ERCC8: variants seen among roughly 807,000 people sequenced by gnomAD.
ERCC8 encodes the protein DNA excision repair protein ERCC-8.
In ERCC8, 52 loss-of-function variants were observed where a neutral mutation model predicts 54.9. The ratio of observed to expected loss-of-function variants is 0.95; its 90% confidence interval spans 0.76 to 1.19. The LOEUF is 1.19. ERCC8 is among the 50% of genes most tolerant of loss of function. ERCC8 has a pLI of 0.00. For synonymous variants in ERCC8, 146 were observed against 157.2 expected (o/e 0.93, Z 0.53); for missense variants, 514 against 466.1 (o/e 1.10, Z -0.95).
At chr5:60,944,580 A>G (rs1227890195) in intron 1 of ERCC8, among the ~76,000 whole-genome samples, 1 of 152,186 alleles carries the variant, frequency 6.6e-6, no homozygotes, top group Non-Finnish European at 1.5e-5. Context: ...AAATATGCAG[A>G]CTGAATGAAT....
At chr5:60,892,920 C>G (rs920619952) in intron 9 of ERCC8, 10 of 742,378 alleles carry the variant, frequency 1.3e-5, no homozygotes, top group Non-Finnish European at 2.5e-5. Context: ...GATGTGGGTG[C>G]GCATTTCACC....
rs574585335 is a variant in ERCC8, at chr5:60,874,629, C to T, written c.1177G>A (p.Asp393Asn). The change falls in exon 12 of 12, where the codon GAT becomes AAT. Residue 393 changes from aspartate to asparagine, a missense_variant. Asp to Asn is a conservative substitution (Grantham distance 23, BLOSUM62 1). Coordinates refer to ENST00000676185, the MANE Select transcript of ERCC8 (RefSeq NM_000082.4). ...AAAGATGATATTCATCCTTCTTCAT[C>T]ACTGCTGCTCCAGGCATCTTCAAAG... ...PAFEDAWSSSDEEG is the reference protein window; with the variant it reads ...PAFEDAWSSSNEEG 3.1e-6 allele frequency: 5 copies of T among 1,613,196 alleles called. No individual in the cohort carries two copies. The East Asian group carries it at 1.1e-4, about 36-fold the overall frequency.
Position 60,928,872 on chromosome 5 carries a change from T to A in ERCC8, c.165A>T (p.Glu55Asp). The change falls in exon 2 of 12, where the codon GAA (glutamate) becomes GAT (aspartate). Residue 55 changes from glutamate to aspartate, a missense_variant. Glu to Asp is a conservative substitution (Grantham distance 45). Transcript: ENST00000676185. ...AAGTATAATAAACTTACTATCTCCCTTCAACAGGTTCAATGTCAAGGGTGT... is the reference window on the plus strand; with the variant it reads ...AAGTATAATAAACTTACTATCTCCCATCAACAGGTTCAATGTCAAGGGTGT... ...GINTLDIEPV[E>D]GRYMLSGGSD... 6 of 1,582,452 alleles carry A rather than the reference T, an allele frequency of 3.8e-6. No individual in the cohort carries two copies. The highest frequency in any genetic ancestry group is 5.2e-6 in the Non-Finnish European group (6 of 1,152,636).
At chr5:60,898,167 C>G (rs1052890274) in intron 9 of ERCC8, 109 bp downstream of exon 9, 1 of 1,257,632 alleles carries the variant, frequency 8.0e-7, no homozygotes, top group African/African-American at 1.5e-5. Flanking sequence ...TTTTTAAAAA[C>G]AGCTGTGATT....
chr5:60,910,551 T>C (rs1375793474), intron 4 of ERCC8, among the ~76,000 whole-genome samples: 1 of 152,198 alleles, frequency 6.6e-6, no homozygotes, highest in Non-Finnish European at 1.5e-5. Flanking sequence ...TTAATTTCTC[T>C]CAATAATGTT....
At position 60,874,032 on chromosome 5, in the gene ERCC8, A is replaced by G. The variant is rs4647158; in HGVS notation, c.*583T>C. ...AAACATGGGATTTTCACAAAGTTAA[A>G]AGCCTCCTGTGATGCACATTTTGGA... On this transcript the variant is annotated 3_prime_UTR_variant, in exon 12 of 12. Coordinates refer to ENST00000676185, the MANE Select transcript of ERCC8 (RefSeq NM_000082.4). 5.6e-3 allele frequency: 859 copies of G among 152,348 alleles called. 9 individuals are homozygous for G. Among genetic ancestry groups the G allele is most frequent in the Middle Eastern group, 0.017 (5 of 294 alleles). 9.4% of individuals were successfully genotyped at this position (152,348 alleles called of 1,614,324 possible).
Position 60,903,532 on chromosome 5 carries a change from C to A in ERCC8, c.550+116G>T, listed in dbSNP as rs781538504. 4 of 1,531,492 alleles carry A rather than the reference C, an allele frequency of 2.6e-6. No homozygotes were observed. The African/African-American group carries it at 5.5e-5, about 21-fold the overall frequency. The allele number at this position is 1,531,492 out of a possible 1,614,324, so 94.9% of individuals were successfully genotyped here. A position where few individuals can be genotyped will look rare whatever the true frequency, so the allele number is the denominator to read the frequency against. On this transcript the variant is annotated intron_variant, in intron 6 of 11. Transcript: ENST00000676185. Reference sequence around the variant, plus strand: ...TCTTTATTTCCCTGCTGAGTCTCAACAACCAGCACAAAGTACATTAGTCAT... The same window carrying A: ...TCTTTATTTCCCTGCTGAGTCTCAAAAACCAGCACAAAGTACATTAGTCAT...
intron 1 of ERCC8, among the ~76,000 whole-genome samples, chr5:60,938,052 T>C (rs7712816): frequency 0.047 from 608 of 12,904 alleles, no homozygotes; most frequent in South Asian, 0.095. Flanking sequence ...TACATACATA[T>C]ATATATATAT....
chr5:60,885,006 C>T (rs1748353557), intron 11 of ERCC8, among the ~76,000 whole-genome samples: 1 of 149,088 alleles, frequency 6.7e-6, no homozygotes, highest in African/African-American at 2.6e-5. Context: ...CCATCAGTCA[C>T]ATATTATCTT....
At position 60,902,408 on chromosome 5, in the gene ERCC8, T is replaced by C. The variant is rs754949729; in HGVS notation, c.617+34A>G. 41 of 1,490,190 alleles carry C rather than the reference T, an allele frequency of 2.8e-5. No homozygotes were observed. The Admixed American group carries it at 4.2e-4, about 15-fold the overall frequency. The allele number at this position is 1,490,190 out of a possible 1,614,324, so 92.3% of individuals were successfully genotyped here. On this transcript the variant is annotated intron_variant, in intron 7 of 11. Transcript: ENST00000676185. ...ACTTTTCAAAATGCTTATTATTAAT[T>C]ACTAACTTCAAAAGCAAATAAGTTA... is the stretch of plus-strand genomic sequence containing the variant.
intron 11 of ERCC8, among the ~76,000 whole-genome samples, chr5:60,882,259 C>T (rs192184415): frequency 1.1e-4 from 16 of 152,280 alleles, no homozygotes; most frequent in Non-Finnish European, 5.9e-5. Context: ...GAAAAAGTTA[C>T]GTGTTCCTAG....
In ERCC8 at chr5:60,868,965, A is replaced by G. The variant is rs1347377130; in HGVS notation, c.*5650T>C. Among the ~76,000 whole-genome samples the G allele has an allele frequency of 6.6e-6, 1 of 152,160 alleles. No homozygotes were observed. The highest frequency in any genetic ancestry group is 1.5e-5 in the Non-Finnish European group (1 of 68,032). ...TATATTTTTCGACAGGCAATATTCT[A>G]ATTGTGCTAGGCTTGCCATTCCATT... On this transcript the variant is annotated 3_prime_UTR_variant, in exon 12 of 12. Coordinates refer to ENST00000676185, the MANE Select transcript of ERCC8 (RefSeq NM_000082.4).
chr5:60,889,012 C>T (rs1444974940), intron 10 of ERCC8, among the ~76,000 whole-genome samples: 1 of 152,150 alleles, frequency 6.6e-6, no homozygotes, highest in African/African-American at 2.4e-5. Flanking sequence ...GTCTCTTTGG[C>T]TTTTCTGACT....
intron 4 of ERCC8, 111 bp downstream of exon 4, chr5:60,918,154 C>G (rs888692747): frequency 2.3e-6 from 2 of 867,060 alleles, no homozygotes; most frequent in African/African-American, 3.3e-5. Context: ...CACTGTACTG[C>G]TTTCACATCT....
Position 60,887,521 on chromosome 5 carries a change from C to T in ERCC8, c.1042-1G>A, listed in dbSNP as rs897535441. Reference sequence around the variant, plus strand: ...AGTCTCTGCTACCACTATAAAGTTCCTATAACATAGAAGGCAAAGATGATA... The same window carrying T: ...AGTCTCTGCTACCACTATAAAGTTCTTATAACATAGAAGGCAAAGATGATA... On this transcript the variant is annotated splice_acceptor_variant, in intron 10 of 11. Transcript: ENST00000676185. LOFTEE classifies it high-confidence loss of function. 6.2e-7 allele frequency: 1 copy of T among 1,612,228 alleles called. No individual in the cohort carries two copies. The highest frequency in any genetic ancestry group is 1.3e-5 in the African/African-American group (1 of 74,860).
intron 3 of ERCC8, chr5:60,918,646 C>G: frequency 2.2e-6 from 1 of 450,462 alleles, no homozygotes; most frequent in South Asian, 2.1e-5. Flanking sequence ...GTACTATATA[C>G]AGCCTGGAGG....
chr5:60,916,911 G>A (rs1749452268), intron 4 of ERCC8, among the ~76,000 whole-genome samples: 1 of 151,802 alleles, frequency 6.6e-6, no homozygotes, highest in Admixed American at 6.6e-5. Context: ...CTTTCTTTGG[G>A]GAAGTAACAA....
chr5:60,935,805 T>C (rs1227103882), intron 1 of ERCC8, among the ~76,000 whole-genome samples: 1 of 152,252 alleles, frequency 6.6e-6, no homozygotes, highest in Non-Finnish European at 1.5e-5. Context: ...TCATCTGATT[T>C]TTGTTTTTAA....
At chr5:60,902,562 T>C (rs1748934020) in intron 6 of ERCC8, 54 bp from the exon 7 acceptor site, 1 of 1,464,118 alleles carries the variant, frequency 6.8e-7, no homozygotes, top group South Asian at 1.1e-5. Flanking sequence ...AATCAGAAGA[T>C]AAAGTGCCAA....
Sources: gnomAD v4.1 joint callset for allele counts (sites outside exome capture counted in the v4.1 genomes callset) on GRCh38, gnomAD v4.1.1 for gene constraint, MANE v1.5 for transcripts, NCBI Gene and HGNC (gene_info 2026-07-23, HGNC 2026-07-21) for gene names.